Variants in CCDC178 observed in about 807,000 individuals in gnomAD.
CCDC178 encodes coiled-coil domain-containing protein 178.
A neutral mutation model predicts 117.4 loss-of-function variants in CCDC178; 126 were observed. The observed-to-expected ratio is 1.07, with a 90% CI of 0.93 to 1.24. The LOEUF is 1.24. Among genes scored for constraint, CCDC178 ranks in the 50% most tolerant of loss-of-function variants. CCDC178 has a pLI of 0.00. For synonymous variants in CCDC178, 283 were observed against 313.4 expected (o/e 0.90, Z 1.02); for missense variants, 1,030 against 986.9 (o/e 1.04, Z -0.59).
chr18:32,950,583 A>C (rs1403435131), intron 22 of CCDC178, among the ~76,000 whole-genome samples: 1 of 152,238 alleles, frequency 6.6e-6, no homozygotes, highest in Non-Finnish European at 1.5e-5. Context: ...CCTGGTTTCC[A>C]ACAGTTACAG....
chr18:33,153,955 C>T (rs1181057230), intron 20 of CCDC178, among the ~76,000 whole-genome samples: 4 of 151,876 alleles, frequency 2.6e-5, no homozygotes, highest in Admixed American at 2.0e-4. Flanking sequence ...GATTTTGTAT[C>T]ACTATATATA....
intron 21 of CCDC178, among the ~76,000 whole-genome samples, chr18:33,086,263 T>C (rs1166565153): frequency 6.6e-6 from 1 of 151,872 alleles, no homozygotes; most frequent in Non-Finnish European, 1.5e-5. Context: ...AATTATTCTA[T>C]AGCTTTATAG....
At chr18:33,333,941 G>A (rs2062707313) in intron 9 of CCDC178, among the ~76,000 whole-genome samples, 1 of 151,928 alleles carries the variant, frequency 6.6e-6, no homozygotes, top group Admixed American at 6.6e-5. Flanking sequence ...TATGTTGTAT[G>A]GTCAATGTAT....
chr18:33,301,216 C>T (rs2062172950), intron 11 of CCDC178, among the ~76,000 whole-genome samples: 1 of 152,198 alleles, frequency 6.6e-6, no homozygotes. Context: ...TGGCTTCCAC[C>T]ATGGTGTTAA....
Position 33,091,299 on chromosome 18 carries a change from CT to C in CCDC178, c.2388+1461del, listed in dbSNP as rs2057457926. Among the ~76,000 whole-genome samples, 6 of 95,298 alleles carry C rather than the reference CT, an allele frequency of 6.3e-5. No homozygotes were observed. In the South Asian group the frequency reaches 2.4e-3, roughly 38 times the overall value. 62.5% of individuals were successfully genotyped at this position (95,298 alleles called of 152,430 possible). ...TTGGCAGATAGTTGTATTATCAATT[CT>C]TTCCCAAACACACTTATTTCATTCT... On this transcript the variant is annotated intron_variant, in intron 21 of 22. Coordinates refer to ENST00000383096, the MANE Select transcript of CCDC178 (RefSeq NM_001105528.4).
intron 14 of CCDC178, among the ~76,000 whole-genome samples, chr18:33,260,999 G>A (rs67633245): frequency 0.068 from 10,254 of 151,900 alleles, 517 homozygotes; most frequent in African/African-American, 0.14. Context: ...TATAATTTCC[G>A]AAGCCTAGTT....
chr18:33,426,838 T>C (rs959334711), intron 2 of CCDC178, among the ~76,000 whole-genome samples: 1 of 152,122 alleles, frequency 6.6e-6, no homozygotes, highest in Non-Finnish European at 1.5e-5. Context: ...AATTATTTAA[T>C]TGTATTATAA....
At chr18:33,177,719 G>A (rs1276322059) in intron 20 of CCDC178, among the ~76,000 whole-genome samples, 1 of 152,050 alleles carries the variant, frequency 6.6e-6, no homozygotes, top group Non-Finnish European at 1.5e-5. Flanking sequence ...TTTCTTTTCA[G>A]CACATTGAAA....
At chr18:33,327,036 A>G (rs2062593713) in intron 10 of CCDC178, among the ~76,000 whole-genome samples, 1 of 152,044 alleles carries the variant, frequency 6.6e-6, no homozygotes, top group Admixed American at 6.6e-5. Context: ...CTGGGTCAAG[A>G]TTGCATAATA....
chr18:33,132,044 T>A (rs2058073527), intron 20 of CCDC178, among the ~76,000 whole-genome samples: 1 of 151,636 alleles, frequency 6.6e-6, no homozygotes, highest in Non-Finnish European at 1.5e-5. Flanking sequence ...TTTTTAGAAC[T>A]GCTCCTAGTC....
chr18:33,218,924 T>C (rs1377352059), intron 18 of CCDC178, among the ~76,000 whole-genome samples: 2 of 152,166 alleles, frequency 1.3e-5, no homozygotes, highest in Admixed American at 6.6e-5. Context: ...AGGATTGTCT[T>C]GGCAATGTGG....
intron 21 of CCDC178, among the ~76,000 whole-genome samples, chr18:33,011,088 C>A (rs1164996755): frequency 6.6e-6 from 1 of 152,118 alleles, no homozygotes; most frequent in Non-Finnish European, 1.5e-5. Context: ...ATATCATAAC[C>A]CTCAGCTCAC....
intron 21 of CCDC178, among the ~76,000 whole-genome samples, chr18:33,040,989 A>C (rs1201577697): frequency 5.9e-5 from 9 of 151,956 alleles, no homozygotes. Context: ...AAATAACTCA[A>C]TTTTTAAAGT....
intron 6 of CCDC178, among the ~76,000 whole-genome samples, chr18:33,360,642 C>A (rs1374676437): frequency 1.3e-5 from 2 of 151,394 alleles, no homozygotes; most frequent in Non-Finnish European, 3.0e-5. Flanking sequence ...CCTGTTAGAA[C>A]TAATAAATTC....
intron 10 of CCDC178, 26 bp downstream of exon 10, chr18:33,333,147 GA>G (rs1325200038): frequency 1.5e-6 from 2 of 1,332,010 alleles, no homozygotes; most frequent in African/African-American, 1.5e-5. Flanking sequence ...AATAATTTAT[GA>G]AATGCTCATG....
rs537375199 is a variant in CCDC178 at position 33,030,368 on chromosome 18, A to T, written c.2389-55687T>A. On this transcript the variant is annotated intron_variant, in intron 21 of 22. Transcript: ENST00000383096. ...GTATATTGAATCTAAATTATCTCTT[A>T]TACGTAGGAGTATGTAGTTGAATGT... is the stretch of plus-strand genomic sequence containing the variant. Among the ~76,000 whole-genome samples the T allele has an allele frequency of 1.8e-3, 268 of 152,128 alleles. 6 individuals carry two copies. Among genetic ancestry groups the T allele is most frequent in the Admixed American group, 0.017 (252 of 15,256 alleles).
chr18:33,294,893 T>C (rs2062087772), intron 11 of CCDC178, among the ~76,000 whole-genome samples: 1 of 152,200 alleles, frequency 6.6e-6, no homozygotes, highest in South Asian at 2.1e-4. Context: ...TTCCAATTTT[T>C]TGATGAAGTT....
intron 2 of CCDC178, among the ~76,000 whole-genome samples, chr18:33,429,979 T>C (rs4799344): frequency 0.96 from 146,557 of 152,290 alleles, 70,786 homozygotes; most frequent in East Asian, 1. Context: ...TTGTTTTCAA[T>C]GCAAGTTTAG....
chr18:33,011,250 C>T (rs2055857106), intron 21 of CCDC178, among the ~76,000 whole-genome samples: 1 of 152,070 alleles, frequency 6.6e-6, no homozygotes. Context: ...GGTAAAACAG[C>T]CACAACAGTC....
Sources: allele counts gnomAD v4.1 joint callset (sites outside exome capture counted in the v4.1 genomes callset), GRCh38; gene constraint gnomAD v4.1.1; transcripts MANE v1.5; gene names NCBI Gene and HGNC (gene_info 2026-07-23, HGNC 2026-07-21).